Variants in PDE4B observed in about 807,000 individuals in gnomAD.
The protein encoded by PDE4B is 3',5'-cyclic-AMP phosphodiesterase 4B.
In PDE4B, 20 loss-of-function variants were observed where a neutral mutation model predicts 82.2. The ratio of observed to expected loss-of-function variants is 0.24; its 90% CI spans 0.17 to 0.35. PDE4B has a LOEUF of 0.35. Ranked by LOEUF, PDE4B falls within the 10% of genes least tolerant of loss-of-function variation. The probability of loss-of-function intolerance (pLI) is 1.00; values close to 1 mark genes in which losing one functional copy is unlikely to be tolerated. For missense variants in PDE4B, 655 were observed against 907.2 expected, an observed-to-expected ratio of 0.72 and a Z score of 3.57; for synonymous variants, 320 against 318.9, an observed-to-expected ratio of 1.00 and a Z score of -0.04.
At chr1:66,134,077 A>G (rs1570313844) in intron 3 of PDE4B, among the ~76,000 whole-genome samples, 1 of 152,158 alleles carries the variant, frequency 6.6e-6, no homozygotes, top group South Asian at 2.1e-4. Context: ...GGCTGCCCTT[A>G]AAGAGTGGAA....
Position 66,257,445 on chromosome 1 carries a change from C to T in PDE4B, c.477-202C>T, listed in dbSNP as rs754731413. 18 of 761,886 alleles carry T rather than the reference C, an allele frequency of 2.4e-5. 1 individual carries two copies. The highest frequency in any genetic ancestry group is 2.3e-4 in the Middle Eastern group (1 of 4,344). The allele number at this position is 761,886 out of a possible 1,614,324, so 47.2% of individuals were successfully genotyped here. The stretch of plus-strand genomic sequence containing the variant: ...GTGTAGTCACTGTAAATTCAGGAGT[C>T]ATGAATCTAGTACTAATTTTTTCCT... On this transcript the variant is annotated intron_variant, in intron 4 of 16. Coordinates refer to ENST00000341517, the MANE Select transcript of PDE4B (RefSeq NM_002600.4).
At chr1:66,261,567 T>C (rs77080086) in intron 6 of PDE4B, among the ~76,000 whole-genome samples, 2,544 of 152,318 alleles carry the variant, frequency 0.017, 25 homozygotes, top group Middle Eastern at 0.054. Flanking sequence ...TGGTTTATTG[T>C]AGGAAAAGGA....
intron 3 of PDE4B, among the ~76,000 whole-genome samples, chr1:65,986,635 A>G (rs1569891479): frequency 1.3e-5 from 2 of 152,140 alleles, no homozygotes; most frequent in Admixed American, 6.6e-5. Context: ...TATTCATTCA[A>G]TGAATATTTG....
intron 7 of PDE4B, chr1:66,267,537 A>G (rs964232322): frequency 6.6e-6 from 1 of 152,200 alleles, no homozygotes; most frequent in African/African-American, 2.4e-5. Context: ...TTATGGTTCT[A>G]TAAATTAGCT....
intron 3 of PDE4B, among the ~76,000 whole-genome samples, chr1:66,005,709 C>T (rs1652112252): frequency 6.6e-6 from 1 of 152,132 alleles, no homozygotes; most frequent in Admixed American, 6.6e-5. Context: ...AAAAATAAGA[C>T]TTAGGAACCT....
At chr1:66,197,861 C>A (rs1648469042) in intron 3 of PDE4B, among the ~76,000 whole-genome samples, 1 of 152,174 alleles carries the variant, frequency 6.6e-6, no homozygotes, top group African/African-American at 2.4e-5. Context: ...GAAGACCCTA[C>A]TGCTGTATAT....
chr1:65,892,599 C>A (rs1362642871), intron 1 of PDE4B, among the ~76,000 whole-genome samples: 1 of 152,040 alleles, frequency 6.6e-6, no homozygotes, highest in Non-Finnish European at 1.5e-5. Context: ...CCACCCTAAC[C>A]CCAGTCCCTG....
rs375200023 is a variant in PDE4B, at chr1:66,203,905, TGGA to T, written c.282-43547_282-43545del. On this transcript the variant is annotated intron_variant, in intron 3 of 16. Transcript: ENST00000341517. ...TTACTGGTGAGGAACTGCATTCCTTTGGAGGAGGAGAGGTGCTCTGCTTTTTAG... is the reference window on the plus strand; with the variant it reads ...TTACTGGTGAGGAACTGCATTCCTTTGGAGGAGAGGTGCTCTGCTTTTTAG... 5.3e-4 allele frequency among the ~76,000 whole-genome samples: 81 copies of T among 152,336 alleles called. 1 individual carries two copies. In the East Asian group the frequency reaches 0.011, roughly 21 times the overall value.
intron 8 of PDE4B, chr1:66,354,690 G>A (rs1392020376): frequency 2.7e-5 from 39 of 1,424,334 alleles, no homozygotes; most frequent in Non-Finnish European, 3.6e-5. Context: ...TTTGGCTTAG[G>A]AAATGCCATA....
At chr1:66,322,944 A>G (rs1659511805) in intron 7 of PDE4B, among the ~76,000 whole-genome samples, 1 of 152,170 alleles carries the variant, frequency 6.6e-6, no homozygotes, top group Admixed American at 6.6e-5. Context: ...GCAAAGCCAG[A>G]TATCAAACTC....
intron 3 of PDE4B, among the ~76,000 whole-genome samples, chr1:66,175,982 A>G (rs1646924733): frequency 6.6e-6 from 1 of 152,214 alleles, no homozygotes; most frequent in South Asian, 2.1e-4. Context: ...AAAGATTGAT[A>G]AAGGACACAT....
intron 3 of PDE4B, among the ~76,000 whole-genome samples, chr1:66,037,731 A>G (rs1248525561): frequency 1.3e-5 from 2 of 152,140 alleles, no homozygotes; most frequent in African/African-American, 4.8e-5. Flanking sequence ...TTTTACCATT[A>G]AATATGATGT....
intron 3 of PDE4B, among the ~76,000 whole-genome samples, chr1:66,007,961 A>T (rs189368474): frequency 7.2e-5 from 11 of 152,300 alleles, no homozygotes; most frequent in Admixed American, 7.2e-4. Flanking sequence ...GACAAGGTCC[A>T]TAGATACAGA....
At chr1:66,215,316 G>A (rs973155311) in intron 3 of PDE4B, among the ~76,000 whole-genome samples, 2 of 152,142 alleles carry the variant, frequency 1.3e-5, no homozygotes, top group Non-Finnish European at 1.5e-5. Flanking sequence ...TGGTTCATAG[G>A]TCAAAATCCT....
intron 3 of PDE4B, among the ~76,000 whole-genome samples, chr1:65,949,775 CGT>C (rs146326884): frequency 3.3e-5 from 5 of 150,958 alleles, no homozygotes; most frequent in South Asian, 4.2e-4. Context: ...TAACTTCAAA[CGT>C]GTGTGTGTGT....
At position 65,996,053 on chromosome 1, in the gene PDE4B, G is replaced by A. The variant is rs575938371; in HGVS notation, c.281+77218G>A. Reference sequence around the variant, plus strand: ...AATATTTATGAAATTCTGACTCTGGGCTATTTAAAAATATCTGGGGGAAAT... The same window carrying A: ...AATATTTATGAAATTCTGACTCTGGACTATTTAAAAATATCTGGGGGAAAT... On this transcript the variant is annotated intron_variant, in intron 3 of 16. Coordinates refer to ENST00000341517, the MANE Select transcript of PDE4B (RefSeq NM_002600.4). Among the ~76,000 whole-genome samples, 57 of 152,200 alleles carry A rather than the reference G, an allele frequency of 3.7e-4. No homozygotes were observed. The South Asian group carries it at 0.012, about 31-fold the overall frequency.
At chr1:65,934,143 A>C (rs1569738090) in intron 3 of PDE4B, among the ~76,000 whole-genome samples, 1 of 152,228 alleles carries the variant, frequency 6.6e-6, no homozygotes, top group African/African-American at 2.4e-5. Context: ...GAAAGAAATC[A>C]AAGTATATCA....
chr1:66,306,689 G>A (rs920027621), intron 7 of PDE4B, among the ~76,000 whole-genome samples: 1 of 152,154 alleles, frequency 6.6e-6, no homozygotes, highest in African/African-American at 2.4e-5. Context: ...AGAGCATCAT[G>A]ATAATGCCCA....
rs1647182149 is a variant in PDE4B, at chr1:65,918,002, A to G, written c.43-595A>G. ...AACATGGCGAAACCCCGTCCCTACTAAAAATACAAAAATTAGCCGGGCGTT... is the reference window on the plus strand; with the variant it reads ...AACATGGCGAAACCCCGTCCCTACTGAAAATACAAAAATTAGCCGGGCGTT... On this transcript the variant is annotated intron_variant, in intron 2 of 16. Transcript: ENST00000341517. Among the ~76,000 whole-genome samples, 2 of 152,150 alleles carry G rather than the reference A, an allele frequency of 1.3e-5. 1 individual carries two copies. The highest frequency in any genetic ancestry group is 4.1e-4 in the South Asian group (2 of 4,820).
Sources: allele counts gnomAD v4.1 joint callset (sites outside exome capture counted in the v4.1 genomes callset), GRCh38; gene constraint gnomAD v4.1.1; transcripts MANE v1.5; gene names NCBI Gene and HGNC (gene_info 2026-07-23, HGNC 2026-07-21).